The following GABRB1 variants were observed in gnomAD, a reference collection of about 807,000 sequenced individuals.
GABRB1 encodes gamma-aminobutyric acid type A receptor subunit beta1.
Under a neutral mutation model 51.6 loss-of-function variants are expected in GABRB1, and 17 were observed. The ratio of observed to expected loss-of-function variants is 0.33; its 90% CI spans 0.23 to 0.49. The LOEUF (loss-of-function observed/expected upper bound fraction) is 0.49. Among genes scored for constraint, GABRB1 ranks in the 20% least tolerant of loss-of-function variants. The pLI is 0.99. For missense variants in GABRB1, 410 were observed against 600.6 expected (o/e 0.68, Z 3.32); for synonymous variants, 247 against 218.9 (o/e 1.13, Z -1.14).
chr4:47,148,295 T>A (rs2109708595), intron 3 of GABRB1, among the ~76,000 whole-genome samples: 1 of 152,084 alleles, frequency 6.6e-6, no homozygotes, highest in East Asian at 1.9e-4. Flanking sequence ...ATAATTCTAT[T>A]TTGGGCCAGA....
chr4:47,350,594 T>C (rs925180402), intron 5 of GABRB1, among the ~76,000 whole-genome samples: 1 of 152,098 alleles, frequency 6.6e-6, no homozygotes, highest in Admixed American at 6.5e-5. Context: ...ATGCCTTACT[T>C]ACATAATTAT....
At chr4:47,008,622 C>T (rs184203438) in intron 1 of GABRB1, among the ~76,000 whole-genome samples, 1 of 147,570 alleles carries the variant, frequency 6.8e-6, no homozygotes, top group South Asian at 2.2e-4. Context: ...GCCACCACAC[C>T]CAGCTAATTT....
intron 3 of GABRB1, among the ~76,000 whole-genome samples, chr4:47,092,775 C>A (rs531453213): frequency 6.6e-6 from 1 of 152,084 alleles, no homozygotes; most frequent in Non-Finnish European, 1.5e-5. Context: ...CCACACCTGG[C>A]TAATTTTTTT....
upstream of GABRB1, among the ~76,000 whole-genome samples, chr4:47,028,730 A>C (rs1378654627): frequency 1.3e-5 from 2 of 150,668 alleles, no homozygotes; most frequent in East Asian, 3.9e-4. Flanking sequence ...GTATGTGTAT[A>C]TATATACATA....
chr4:47,311,347 G>A (rs370543632), intron 4 of GABRB1, among the ~76,000 whole-genome samples: 1 of 150,642 alleles, frequency 6.6e-6, no homozygotes, highest in South Asian at 2.1e-4. Flanking sequence ...GGGAGATGGA[G>A]GATGCAGTGA....
At chr4:47,300,961 C>T (rs927351343) in intron 4 of GABRB1, among the ~76,000 whole-genome samples, 3 of 152,140 alleles carry the variant, frequency 2.0e-5, no homozygotes, top group African/African-American at 7.2e-5. Context: ...TCTCTATAAC[C>T]TGTTAGCCAT....
chr4:47,363,147 A>C (rs1460091308), intron 5 of GABRB1, among the ~76,000 whole-genome samples: 1 of 152,086 alleles, frequency 6.6e-6, no homozygotes, highest in Non-Finnish European at 1.5e-5. Context: ...GAGAGATTAC[A>C]ATGTGCCAGG....
chr4:47,263,617 T>C (rs1722536227), intron 4 of GABRB1, among the ~76,000 whole-genome samples: 1 of 151,962 alleles, frequency 6.6e-6, no homozygotes, highest in African/African-American at 2.4e-5. Flanking sequence ...ACCAAAATGA[T>C]AGAGGAGAAA....
chr4:47,328,833 G>C (rs554979274), intron 5 of GABRB1, among the ~76,000 whole-genome samples: 1 of 151,536 alleles, frequency 6.6e-6, no homozygotes, highest in Non-Finnish European at 1.5e-5. Context: ...CGAGTTACCA[G>C]GTGCAGCACA....
intron 3 of GABRB1, chr4:47,043,081 G>T (rs745655870): frequency 1.1e-4 from 17 of 152,022 alleles, no homozygotes; most frequent in Admixed American, 7.2e-4. Flanking sequence ...CCCCCATTTA[G>T]CATGTCCTAA....
At chr4:47,237,463 T>C (rs1204364556) in intron 4 of GABRB1, among the ~76,000 whole-genome samples, 2 of 152,022 alleles carry the variant, frequency 1.3e-5, no homozygotes, top group Non-Finnish European at 2.9e-5. Flanking sequence ...GAACTATGGA[T>C]AAGGTCTTTG....
intron 5 of GABRB1, among the ~76,000 whole-genome samples, chr4:47,326,249 C>T (rs1278956371): frequency 6.6e-6 from 1 of 152,136 alleles, no homozygotes; most frequent in Non-Finnish European, 1.5e-5. Flanking sequence ...ATGATGCTCC[C>T]TTTGATATAT....
At chr4:47,246,421 T>C (rs928936291) in intron 4 of GABRB1, among the ~76,000 whole-genome samples, 12 of 130,384 alleles carry the variant, frequency 9.2e-5, no homozygotes, top group Middle Eastern at 4.0e-3. Context: ...CTTTATCCAC[T>C]TGTTGATTGA....
At chr4:47,128,015 T>A (rs1203642543) in intron 3 of GABRB1, among the ~76,000 whole-genome samples, 3 of 151,552 alleles carry the variant, frequency 2.0e-5, no homozygotes. Flanking sequence ...ACTAAGAAAG[T>A]CATTAATTAT....
intron 4 of GABRB1, among the ~76,000 whole-genome samples, chr4:47,162,871 C>A (rs1318858037): frequency 1.3e-5 from 2 of 152,052 alleles, no homozygotes; most frequent in Non-Finnish European, 2.9e-5. Flanking sequence ...AAGAGAAACA[C>A]AAACCATTCA....
intron 4 of GABRB1, among the ~76,000 whole-genome samples, chr4:47,188,971 G>A (rs1719312865): frequency 6.6e-6 from 1 of 151,982 alleles, no homozygotes; most frequent in Non-Finnish European, 1.5e-5. Flanking sequence ...GAGATACAAA[G>A]TTGAGCAAGA....
At chr4:47,345,722 T>G (rs1726064518) in intron 5 of GABRB1, among the ~76,000 whole-genome samples, 1 of 152,196 alleles carries the variant, frequency 6.6e-6, no homozygotes, top group Non-Finnish European at 1.5e-5. Context: ...ACCAACATGA[T>G]GCCACAAGTA....
chr4:47,386,708 A>G (rs1292854692), intron 5 of GABRB1, among the ~76,000 whole-genome samples: 1 of 152,196 alleles, frequency 6.6e-6, no homozygotes, highest in Non-Finnish European at 1.5e-5. Context: ...AGAATGAAAT[A>G]CATCATTCCA....
intron 1 of GABRB1, among the ~76,000 whole-genome samples, chr4:47,025,745 C>T (rs991329059): frequency 6.6e-6 from 1 of 151,904 alleles, no homozygotes; most frequent in Non-Finnish European, 1.5e-5. Flanking sequence ...ATTTCTTTTG[C>T]TAATCTTGTC....
Sources: allele counts gnomAD v4.1 joint callset (sites outside exome capture counted in the v4.1 genomes callset), GRCh38; gene constraint gnomAD v4.1.1; transcripts MANE v1.5; gene names NCBI Gene and HGNC (gene_info 2026-07-23, HGNC 2026-07-21).